The following EXOC4 variants were observed in gnomAD, a reference collection of about 807,000 sequenced individuals.
EXOC4 encodes exocyst complex component 4, also known as SEC8-like 1.
Under a neutral mutation model 107.2 loss-of-function variants are expected in EXOC4, and 71 were observed. That is an observed-to-expected ratio of 0.66 (90% CI 0.55 to 0.81). EXOC4 has a LOEUF of 0.81. Ranked by LOEUF, EXOC4 falls within the 30% of genes least tolerant of loss-of-function variation. EXOC4 has a pLI of 0.00. For missense variants in EXOC4, 1,108 were observed against 1,189.6 expected (o/e 0.93, Z 1.01); for synonymous variants, 456 against 441.2 (o/e 1.03, Z -0.42).
At chr7:133,326,647 C>T (rs576499005) in intron 5 of EXOC4, among the ~76,000 whole-genome samples, 8 of 152,284 alleles carry the variant, frequency 5.3e-5, no homozygotes, top group East Asian at 1.9e-4. Flanking sequence ...TTAGGCTACT[C>T]GGGGGTCAGG....
intron 5 of EXOC4, among the ~76,000 whole-genome samples, chr7:133,327,509 T>C (rs942675280): frequency 2.0e-5 from 3 of 152,164 alleles, no homozygotes; most frequent in African/African-American, 7.2e-5. Context: ...TTGCTTCTCT[T>C]GTTCTTTCAA....
At chr7:134,007,929 A>C in intron 17 of EXOC4, 94 bp downstream of exon 17, 1 of 1,188,096 alleles carries the variant, frequency 8.4e-7, no homozygotes, top group Non-Finnish European at 1.2e-6. Flanking sequence ...GGTGCAGAAA[A>C]AGCTTAGTTT....
intron 9 of EXOC4, among the ~76,000 whole-genome samples, chr7:133,509,387 C>T (rs1799725046): frequency 6.6e-6 from 1 of 151,828 alleles, no homozygotes; most frequent in Non-Finnish European, 1.5e-5. Context: ...GAGATCACAC[C>T]ACTGCACTCC....
At chr7:134,031,943 C>G (rs7811550) in intron 17 of EXOC4, among the ~76,000 whole-genome samples, 1 of 152,164 alleles carries the variant, frequency 6.6e-6, no homozygotes, top group African/African-American at 2.4e-5. Context: ...TCTGATCTCC[C>G]TATTAACCCC....
At chr7:133,373,712 G>T (rs767623460) in intron 6 of EXOC4, among the ~76,000 whole-genome samples, 3 of 152,142 alleles carry the variant, frequency 2.0e-5, no homozygotes, top group African/African-American at 7.2e-5. Context: ...ATTACAAGCT[G>T]AGAGCCACAA....
At chr7:133,792,020 G>T (rs1200040736) in intron 10 of EXOC4, among the ~76,000 whole-genome samples, 4 of 152,108 alleles carry the variant, frequency 2.6e-5, no homozygotes, top group African/African-American at 7.2e-5. Flanking sequence ...GGTTTAGGGG[G>T]TTACAGGTAC....
intron 17 of EXOC4, among the ~76,000 whole-genome samples, chr7:134,041,483 T>C (rs1299225270): frequency 6.6e-6 from 1 of 152,202 alleles, no homozygotes; most frequent in Non-Finnish European, 1.5e-5. Flanking sequence ...ATTTGCACAC[T>C]CAAAATCAAT....
chr7:133,868,225 C>T (rs1798682087), intron 11 of EXOC4, among the ~76,000 whole-genome samples: 1 of 152,116 alleles, frequency 6.6e-6, no homozygotes. Flanking sequence ...ATTTGCAAAA[C>T]CTCCAATGTC....
intron 12 of EXOC4, among the ~76,000 whole-genome samples, chr7:133,900,685 G>A (rs1341986430): frequency 1.3e-5 from 2 of 152,128 alleles, no homozygotes; most frequent in East Asian, 1.9e-4. Flanking sequence ...AGGGGACAGG[G>A]AAGGAAAATG....
At chr7:133,503,717 A>G (rs1023026604) in intron 9 of EXOC4, among the ~76,000 whole-genome samples, 2 of 152,132 alleles carry the variant, frequency 1.3e-5, no homozygotes, top group Non-Finnish European at 2.9e-5. Context: ...ATATTTATGG[A>G]TATTTCCTTT....
chr7:133,562,672 A>G (rs1303223869), intron 9 of EXOC4, among the ~76,000 whole-genome samples: 1 of 152,244 alleles, frequency 6.6e-6, no homozygotes, highest in Non-Finnish European at 1.5e-5. Context: ...AAGGCAACAA[A>G]TTGAAAGAAA....
At chr7:133,830,835 A>G (rs1332964913) in intron 11 of EXOC4, among the ~76,000 whole-genome samples, 3 of 152,096 alleles carry the variant, frequency 2.0e-5, no homozygotes, top group East Asian at 3.9e-4. Flanking sequence ...GTGTGTGTGT[A>G]TTTTTTAAAC....
At chr7:133,532,770 A>G (rs915775404) in intron 9 of EXOC4, among the ~76,000 whole-genome samples, 1 of 152,146 alleles carries the variant, frequency 6.6e-6, no homozygotes, top group Non-Finnish European at 1.5e-5. Flanking sequence ...TTTAGCAGCA[A>G]TAAAGCAATT....
At chr7:133,565,163 A>G (rs527681726) in intron 9 of EXOC4, among the ~76,000 whole-genome samples, 1 of 152,322 alleles carries the variant, frequency 6.6e-6, no homozygotes, top group South Asian at 2.1e-4. Context: ...TTAGGAGCCA[A>G]GGGAGGAGCT....
intron 7 of EXOC4, among the ~76,000 whole-genome samples, chr7:133,465,868 G>A (rs1167425415): frequency 6.6e-6 from 1 of 152,150 alleles, no homozygotes; most frequent in Admixed American, 6.5e-5. Context: ...GGGGGCAGTG[G>A]CTCACACCTG....
At chr7:133,677,109 G>A (rs1794080126) in intron 10 of EXOC4, among the ~76,000 whole-genome samples, 1 of 151,848 alleles carries the variant, frequency 6.6e-6, no homozygotes, top group Non-Finnish European at 1.5e-5. Context: ...AGAGCTCCCT[G>A]TTTCATATAC....
At chr7:133,494,194 C>T (rs1799430136) in intron 9 of EXOC4, among the ~76,000 whole-genome samples, 3 of 152,256 alleles carry the variant, frequency 2.0e-5, no homozygotes, top group African/African-American at 7.2e-5. Flanking sequence ...CTTCTTTCTT[C>T]AAGTCTATCT....
intron 11 of EXOC4, among the ~76,000 whole-genome samples, chr7:133,880,414 A>G (rs1489191270): frequency 2.6e-5 from 4 of 152,208 alleles, no homozygotes; most frequent in African/African-American, 4.8e-5. Flanking sequence ...GTGTTGGGAA[A>G]GGAGGGTGTT....
intron 10 of EXOC4, among the ~76,000 whole-genome samples, chr7:133,769,923 G>A (rs1161163165): frequency 1.3e-5 from 2 of 151,754 alleles, no homozygotes; most frequent in South Asian, 2.1e-4. Context: ...CAAGTGCCTC[G>A]GTTTTGCTAG....
Sources: allele counts gnomAD v4.1 joint callset (sites outside exome capture counted in the v4.1 genomes callset), GRCh38; gene constraint gnomAD v4.1.1; transcripts MANE v1.5; gene names NCBI Gene and HGNC (gene_info 2026-07-23, HGNC 2026-07-21).